The following POGLUT2 variants were observed in gnomAD, a reference collection of about 807,000 sequenced individuals.
The protein encoded by POGLUT2 is protein O-glucosyltransferase 2.
Under a neutral mutation model 57.6 loss-of-function variants are expected in POGLUT2, and 47 were observed. That is an observed-to-expected ratio of 0.82 (90% CI 0.65 to 1.04). The LOEUF is 1.04. Ranked by LOEUF, POGLUT2 falls within the 50% of genes least tolerant of loss-of-function variation. POGLUT2 has a pLI of 0.00. For synonymous variants in POGLUT2, 200 were observed against 218.8 expected, an observed-to-expected ratio of 0.91 and a Z score of 0.76; for missense variants, 565 against 614.8, an observed-to-expected ratio of 0.92 and a Z score of 0.86.
rs1276796313 is a variant in POGLUT2, at chr13:102,784,409, A to C, written c.*86T>G. The C allele has an allele frequency of 1.3e-6, 1 of 788,618 alleles. No individual in the cohort carries two copies. The highest frequency in any genetic ancestry group is 2.2e-6 in the Non-Finnish European group (1 of 458,162). The allele number at this position is 788,618 out of a possible 1,614,324, so 48.9% of individuals were successfully genotyped here. On this transcript the variant is annotated 3_prime_UTR_variant, in exon 10 of 10. Transcript: ENST00000376004. ...CAATCACACAGATTTTATATTGTCC[A>C]TGGAATTAATACTTAAAAAAATTCT...
intron 4 of POGLUT2, among the ~76,000 whole-genome samples, chr13:102,792,652 C>G (rs571638675): frequency 6.6e-6 from 1 of 152,156 alleles, no homozygotes; most frequent in South Asian, 2.1e-4. Context: ...GAGAAGCCCA[C>G]GTGATGACAG....
chr13:102,797,277 G>A (rs899574660), intron 1 of POGLUT2, among the ~76,000 whole-genome samples: 1 of 152,070 alleles, frequency 6.6e-6, no homozygotes, highest in African/African-American at 2.4e-5. Context: ...ATCTATATAA[G>A]CACAGAACAT....
In POGLUT2 at chr13:102,798,632, C is replaced by A. The variant is rs750794605; in HGVS notation, c.39G>T (p.Ala13=). The part of the protein sequence containing the change: ...GTLLLYCFFL[A]TVPALAETGG... ...CGGTCTCGGCGAGTGCTGGAACTGT[C>A]GCCAGAAAGAAGCAATAAAGTAGCA... is the stretch of plus-strand genomic sequence containing the variant. Residue 13 remains alanine (A), a synonymous_variant, in exon 1 of 10, where the codon GCG becomes GCT. Coordinates refer to ENST00000376004, the MANE Select transcript of POGLUT2 (RefSeq NM_024089.3). 1.2e-6 allele frequency: 2 copies of A among 1,608,958 alleles called. No homozygotes were observed. The highest frequency in any genetic ancestry group is 1.7e-6 in the Non-Finnish European group (2 of 1,178,106).
chr13:102,794,790 A>G (rs1878310073), intron 2 of POGLUT2, among the ~76,000 whole-genome samples: 1 of 152,172 alleles, frequency 6.6e-6, no homozygotes. Context: ...AGAGGAGCAT[A>G]CCTATTTTAA....
At chr13:102,785,489 C>T in intron 9 of POGLUT2, among the ~76,000 whole-genome samples, 1 of 135,814 alleles carries the variant, frequency 7.4e-6, no homozygotes, top group Non-Finnish European at 1.7e-5. Flanking sequence ...CACACACACA[C>T]ACTCTAGTTT....
rs568454527 is a variant in POGLUT2, at chr13:102,797,235, AAC to A, written c.183-228_183-227del. 1.7e-3 allele frequency among the ~76,000 whole-genome samples: 257 copies of A among 152,336 alleles called. 2 individuals are homozygous for A. Among genetic ancestry groups the A allele is most frequent in the Non-Finnish European group, 2.1e-3 (146 of 68,032 alleles). ...AAGATAACATGAAACAGTTTCATTA[AAC>A]AGTCACAATGGAGTATGTTAAGACT... On this transcript the variant is annotated intron_variant, in intron 1 of 9. Transcript: ENST00000376004.
chr13:102,794,074 C>T (rs1194872510), intron 2 of POGLUT2, among the ~76,000 whole-genome samples: 1 of 151,570 alleles, frequency 6.6e-6, no homozygotes, highest in Non-Finnish European at 1.5e-5. Context: ...CATGTCTCTA[C>T]AAAAAATAAA....
At position 102,784,488 on chromosome 13, in the gene POGLUT2, T is replaced by C. The variant is rs746227103; in HGVS notation, c.*7A>G. 3.3e-6 allele frequency: 5 copies of C among 1,535,620 alleles called. No homozygotes were observed. The African/African-American group carries it at 4.1e-5, about 13-fold the overall frequency. The stretch of plus-strand genomic sequence containing the variant: ...CACCATTATTCTAATAGAAGTTATT[T>C]TGCATATCAGAGTTCATCTTTGGTC... On this transcript the variant is annotated 3_prime_UTR_variant, in exon 10 of 10. Transcript: ENST00000376004.
In POGLUT2 at chr13:102,796,977, T is replaced by C; in HGVS notation, c.215A>G (p.Gln72Arg). ...CTCCTCTGGTGCTGAGACTTTCACCTGGAAGACCTTTTCGCCTGGAGAAGA... is the reference window on the plus strand; with the variant it reads ...CTCCTCTGGTGCTGAGACTTTCACCCGGAAGACCTTTTCGCCTGGAGAAGA... ...FTSSPGEKVF[Q>R]VKVSAPEEQF... Residue 72 changes from glutamine to arginine, a missense_variant, in exon 2 of 10, where the codon CAG (glutamine) becomes CGG (arginine). By Grantham distance (43) the Gln-to-Arg change is conservative (BLOSUM62 1). Coordinates refer to ENST00000376004, the MANE Select transcript of POGLUT2 (RefSeq NM_024089.3). 1.2e-6 allele frequency: 2 copies of C among 1,613,396 alleles called. No homozygotes were observed. The highest frequency in any genetic ancestry group is 1.7e-6 in the Non-Finnish European group (2 of 1,179,670).
In POGLUT2 at chr13:102,787,905, C is replaced by A; in HGVS notation, c.1312G>T (p.Ala438Ser). ...HDEEAKKIAK[A>S]GQEFARNNLM... ...TTATTTCTTGCAAATTCTTGTCCTG[C>A]TTTTGCTATCTTTTTGGCCTACAGG... Residue 438 changes from alanine (A) to serine (S), a missense_variant, in exon 8 of 10, where the codon GCA becomes TCA. Transcript: ENST00000376004. 1 of 1,590,144 alleles carries A rather than the reference C, an allele frequency of 6.3e-7. No homozygotes were observed. Among genetic ancestry groups the A allele is most frequent in the Non-Finnish European group, 8.6e-7 (1 of 1,163,412 alleles).
Position 102,793,595 on chromosome 13 carries a change from T to C in POGLUT2, c.594+6A>G, listed in dbSNP as rs1372257589. On this transcript the variant is annotated splice_donor_region_variant and intron_variant, in intron 3 of 9. Coordinates refer to ENST00000376004, the MANE Select transcript of POGLUT2 (RefSeq NM_024089.3). ...AAACAAACAAGCAAAAAATCATGTG[T>C]TGTACCTTGTTATCCTTTAAGGTGT... The C allele has an allele frequency of 1.9e-6, 3 of 1,609,952 alleles. No homozygotes were observed. Among genetic ancestry groups the C allele is most frequent in the Middle Eastern group, 1.7e-4 (1 of 5,862 alleles).
At chr13:102,785,451 TACACACACACACACAC>T (rs56102018) in intron 9 of POGLUT2, among the ~76,000 whole-genome samples, 7 of 148,592 alleles carry the variant, frequency 4.7e-5, no homozygotes, top group South Asian at 4.3e-4. Context: ...CAGCATATGT[TACACACACACACACAC>T]ACACACACAC....
Position 102,787,847 on chromosome 13 carries a change from AAAT to A in POGLUT2, c.1367_1369del (p.Tyr456del), listed in dbSNP as rs1159446656. On this transcript the variant is annotated inframe_deletion, in exon 8 of 10. Coordinates refer to ENST00000376004, the MANE Select transcript of POGLUT2 (RefSeq NM_024089.3). ...GAAAATACTGACCTGGAAAAGTTTG[AAAT>A]AATAACAGAATATGTCATCGCCCAT... 6.4e-7 allele frequency: 1 copy of A among 1,560,068 alleles called. No homozygotes were observed. The highest frequency in any genetic ancestry group is 1.2e-5 in the South Asian group (1 of 84,288).
intron 4 of POGLUT2, chr13:102,793,079 ACTTT>A (rs1878244194): frequency 2.6e-6 from 1 of 382,462 alleles, no homozygotes; most frequent in Non-Finnish European, 4.7e-6. Context: ...CCTAGCTGAC[ACTTT>A]GATTTTGGAC....
At chr13:102,793,283 A>C in intron 4 of POGLUT2, 58 bp downstream of exon 4, 4 of 929,432 alleles carry the variant, frequency 4.3e-6, no homozygotes, top group Non-Finnish European at 7.0e-6. Context: ...TTGAAAAATT[A>C]TCCTGTAAAA....
At chr13:102,791,856 G>T in intron 4 of POGLUT2, 2 of 568,328 alleles carry the variant, frequency 3.5e-6, no homozygotes, top group Non-Finnish European at 5.6e-6. Flanking sequence ...AACGTAGTAA[G>T]TTTCAAGCTA....
At chr13:102,789,446 T>C (rs1388106881) in intron 6 of POGLUT2, among the ~76,000 whole-genome samples, 1 of 152,202 alleles carries the variant, frequency 6.6e-6, no homozygotes, top group Non-Finnish European at 1.5e-5. Context: ...ACAAATCTAG[T>C]GTTGAAGCAG....
chr13:102,788,039 T>C, intron 7 of POGLUT2, 116 bp from the exon 8 acceptor site: 1 of 567,278 alleles, frequency 1.8e-6, no homozygotes, highest in African/African-American at 1.8e-5. Flanking sequence ...AATAATATCT[T>C]TGGGGGTAGT....
At position 102,789,031 on chromosome 13, in the gene POGLUT2, G is replaced by A. The variant is rs763402149; in HGVS notation, c.1274C>T (p.Ala425Val). ...LSDLLEKLKW[A>V]KDHDEEAKKI... is the part of the protein sequence containing the mutation. ...CCTTACCTCTTCATCGTGATCTTTCGCCCATTTAAGTTTTTCTAGCAGATC... is the reference window on the plus strand; with the variant it reads ...CCTTACCTCTTCATCGTGATCTTTCACCCATTTAAGTTTTTCTAGCAGATC... The change falls in exon 7 of 10, where the codon GCG (alanine) becomes GTG (valine). Residue 425 changes from alanine to valine, a missense_variant. By Grantham distance (64) the Ala-to-Val change is moderately conservative. Coordinates refer to ENST00000376004, the MANE Select transcript of POGLUT2 (RefSeq NM_024089.3). 16 of 1,613,676 alleles carry A rather than the reference G, an allele frequency of 9.9e-6. No homozygotes were observed. The highest frequency in any genetic ancestry group is 4.4e-5 in the South Asian group (4 of 91,068).
Sources: gnomAD v4.1 joint callset for allele counts (sites outside exome capture counted in the v4.1 genomes callset) on GRCh38, gnomAD v4.1.1 for gene constraint, MANE v1.5 for transcripts, NCBI Gene and HGNC (gene_info 2026-07-23, HGNC 2026-07-21) for gene names.